UNC80: variants seen among roughly 807,000 people sequenced by gnomAD.
UNC80 encodes unc-80 subunit of NALCN channel complex.
A neutral mutation model predicts 384.6 loss-of-function variants in UNC80; 164 were observed. The observed-to-expected ratio is 0.43, with a 90% CI of 0.38 to 0.49. UNC80 has a LOEUF of 0.49. UNC80 is among the 20% of genes least tolerant of loss of function. The pLI, the probability that UNC80 is intolerant of heterozygous loss-of-function variation, is 0.00. For synonymous variants in UNC80, 1,486 were observed against 1,527.8 expected (o/e 0.97, Z 0.64); for missense variants, 3,330 against 4,143.0 (o/e 0.80, Z 5.39).
intron 28 of UNC80, 128 bp downstream of exon 28, chr2:209,896,541 T>G: frequency 2.5e-6 from 2 of 790,102 alleles, no homozygotes; most frequent in Non-Finnish European, 2.1e-6. Flanking sequence ...AAGCAGGGGC[T>G]TATGTTTTAC....
chr2:209,877,968 A>G lies in UNC80; in HGVS notation c.3855A>G (p.Arg1285=). The change falls in exon 24 of 65, where the codon CGA becomes CGG. Residue 1285 remains arginine, a synonymous_variant. Coordinates refer to ENST00000673920, the MANE Select transcript of UNC80 (RefSeq NM_001371986.1). ...TCCCATTTTAGGCAATTGGCGTCCG[A>G]TTGAATGAGCTGTGCCACGGGGAAA... ...FYQWGDAIGV[R]LNELCHGESE... is the part of the protein sequence containing the mutation. 1 of 1,531,808 alleles carries G rather than the reference A, an allele frequency of 6.5e-7. No individual in the cohort carries two copies. Among genetic ancestry groups the G allele is most frequent in the Non-Finnish European group, 8.8e-7 (1 of 1,139,526 alleles). The allele number at this position is 1,531,808 out of a possible 1,614,324, so 94.9% of individuals were successfully genotyped here. A position where few individuals can be genotyped will look rare whatever the true frequency, so the allele number is the denominator to read the frequency against.
At chr2:209,958,976 T>G (rs1011325720) in intron 49 of UNC80, 143 bp from the exon 50 acceptor site, 1 of 632,150 alleles carries the variant, frequency 1.6e-6, no homozygotes, top group South Asian at 2.2e-5. Context: ...GCCTTTATGT[T>G]TTAGGAGTAA....
chr2:209,907,231 G>A (rs1347788720), intron 29 of UNC80, among the ~76,000 whole-genome samples: 2 of 146,934 alleles, frequency 1.4e-5, no homozygotes, highest in African/African-American at 2.5e-5. Flanking sequence ...TATTCAACAG[G>A]CTTTTAAAGA....
At chr2:209,794,705 T>C in intron 7 of UNC80, 2 of 434,148 alleles carry the variant, frequency 4.6e-6, no homozygotes, top group South Asian at 1.6e-5. Context: ...CTATTCTCGA[T>C]AGTGAGTAAA....
intron 28 of UNC80, among the ~76,000 whole-genome samples, chr2:209,899,744 C>T (rs1051877282): frequency 1.3e-5 from 2 of 152,160 alleles, no homozygotes. Flanking sequence ...TCAGGAACTA[C>T]AATTTGTGTT....
rs1391377796 is a variant in UNC80, at chr2:209,973,245, G to A, written c.8562G>A (p.Glu2854=). The change falls in exon 56 of 65, where the codon GAG becomes GAA. Residue 2854 remains glutamate (E), a synonymous_variant. Coordinates refer to ENST00000673920, the MANE Select transcript of UNC80 (RefSeq NM_001371986.1). ...GKDLRREGLA[E]STSQAAYLAL... ...ACTTGCGCAGGGAAGGGCTGGCTGA[G>A]TCCACCAGCCAAGCAGCATACTTGG... 7 of 1,551,512 alleles carry A rather than the reference G, an allele frequency of 4.5e-6. No homozygotes were observed. The highest frequency in any genetic ancestry group is 1.7e-4 in the Middle Eastern group (1 of 6,014).
chr2:209,820,006 C>T (rs1411133540), intron 12 of UNC80, among the ~76,000 whole-genome samples: 1 of 152,130 alleles, frequency 6.6e-6, no homozygotes, highest in African/African-American at 2.4e-5. Flanking sequence ...AATAGTTACT[C>T]TCTCATTAAC....
intron 7 of UNC80, among the ~76,000 whole-genome samples, chr2:209,808,248 G>T (rs2079034356): frequency 6.6e-6 from 1 of 152,070 alleles, no homozygotes; most frequent in Admixed American, 6.6e-5. Context: ...CTCAGTTACG[G>T]TGATTCCATA....
At chr2:209,859,198 C>T (rs2083171630) in intron 22 of UNC80, among the ~76,000 whole-genome samples, 1 of 151,696 alleles carries the variant, frequency 6.6e-6, no homozygotes, top group Non-Finnish European at 1.5e-5. Context: ...CTCTCCATCC[C>T]CCAACAGGCC....
At position 209,917,464 on chromosome 2, in the gene UNC80, A is replaced by G. The variant is rs547457751; in HGVS notation, c.5030-313A>G. Among the ~76,000 whole-genome samples, 3 of 152,320 alleles carry G rather than the reference A, an allele frequency of 2.0e-5. No homozygotes were observed. In the South Asian group the frequency reaches 6.2e-4, roughly 32 times the overall value. ...AAGAGATGACTCTGGCTATCTCCTAAAAAACATATTTCAGGATGTACTTTT... is the reference window on the plus strand; with the variant it reads ...AAGAGATGACTCTGGCTATCTCCTAGAAAACATATTTCAGGATGTACTTTT... On this transcript the variant is annotated intron_variant, in intron 31 of 64. Transcript: ENST00000673920.
Position 209,839,381 on chromosome 2 carries a change from C to G in UNC80, c.3201C>G (p.Arg1067=), listed in dbSNP as rs1256931552. The G allele has an allele frequency of 2.6e-6, 4 of 1,552,106 alleles. No individual in the cohort carries two copies. ...HSGTTSDRRA[R]SRSRRISLRK... ...GGACCACCTCTGACCGACGTGCCCG[C>G]TCACGATCCCGCAGAATTTCCCTCC... Residue 1067 remains arginine, a synonymous_variant, in exon 19 of 65, where the codon CGC becomes CGG. Coordinates refer to ENST00000673920, the MANE Select transcript of UNC80 (RefSeq NM_001371986.1). The surrounding 1 kb of genome is among the most constrained non-coding windows in gnomAD (Gnocchi z 4.1).
intron 45 of UNC80, 25 bp from the exon 46 acceptor site, chr2:209,945,026 A>C (rs773108575): frequency 2.6e-6 from 4 of 1,549,050 alleles, no homozygotes; most frequent in South Asian, 2.4e-5. Flanking sequence ...GGAGTCAATA[A>C]ACAAAAATTG....
At position 209,879,493 on chromosome 2, in the gene UNC80, C is replaced by T. The variant is rs1254090745; in HGVS notation, c.3976+1404C>T. ...TATAACAGGATATTTAATATGATAGCCCTGAAAGAGCCTAGACTAAGACTA... is the reference window on the plus strand; with the variant it reads ...TATAACAGGATATTTAATATGATAGTCCTGAAAGAGCCTAGACTAAGACTA... On this transcript the variant is annotated intron_variant, in intron 24 of 64. Coordinates refer to ENST00000673920, the MANE Select transcript of UNC80 (RefSeq NM_001371986.1). 7.9e-5 allele frequency among the ~76,000 whole-genome samples: 12 copies of T among 152,244 alleles called. 1 individual carries two copies. The East Asian group carries it at 2.3e-3, about 29-fold the overall frequency.
intron 25 of UNC80, among the ~76,000 whole-genome samples, chr2:209,881,668 C>G (rs1233731268): frequency 2.6e-5 from 4 of 152,008 alleles, no homozygotes. Context: ...CATGCATATA[C>G]ACTCCTGTGT....
chr2:209,904,935 T>A lies in UNC80; in HGVS notation c.4752T>A (p.Ser1584Arg), dbSNP rs1559302394. The change falls in exon 29 of 65, where the codon AGT (serine) becomes AGA (arginine). Residue 1584 changes from serine to arginine, a missense_variant. Physicochemically the swap from Ser to Arg is moderately radical, Grantham distance 110. Coordinates refer to ENST00000673920, the MANE Select transcript of UNC80 (RefSeq NM_001371986.1). ...TGAGGGAAAGCAGCAACATCAGCAGTGTGGCTCTCCGGGGCAAGAAACAGA... is the reference window on the plus strand; with the variant it reads ...TGAGGGAAAGCAGCAACATCAGCAGAGTGGCTCTCCGGGGCAAGAAACAGA... ...DSLRESSNIS[S>R]VALRGKKQKE... 3.2e-6 allele frequency: 5 copies of A among 1,551,642 alleles called. No homozygotes were observed. Among genetic ancestry groups the A allele is most frequent in the Non-Finnish European group, 4.4e-6 (5 of 1,146,978 alleles).
chr2:209,857,788 T>C (rs1246525390), intron 22 of UNC80, among the ~76,000 whole-genome samples: 1 of 152,218 alleles, frequency 6.6e-6, no homozygotes, highest in African/African-American at 2.4e-5. Context: ...CTAATTTCTT[T>C]AACTATTTCC....
chr2:209,992,256 A>G lies in UNC80; in HGVS notation c.9396+9A>G. ...AGAGGGGCCTGAGGCAGGTAAGTAG[A>G]CCCTTAAAGCGCAAGAGAACCATCC... On this transcript the variant is annotated intron_variant, in intron 62 of 64. Transcript: ENST00000673920. 6.4e-7 allele frequency: 1 copy of G among 1,550,828 alleles called. No individual in the cohort carries two copies. Among genetic ancestry groups the G allele is most frequent in the South Asian group, 1.2e-5 (1 of 84,006 alleles).
intron 4 of UNC80, among the ~76,000 whole-genome samples, chr2:209,779,818 A>G (rs1465538506): frequency 6.6e-6 from 1 of 152,252 alleles, no homozygotes; most frequent in Non-Finnish European, 1.5e-5. Context: ...GTTGACAAAT[A>G]TCACCTGGAA....
At chr2:209,784,371 T>G (rs1429786275) in intron 4 of UNC80, among the ~76,000 whole-genome samples, 3 of 152,208 alleles carry the variant, frequency 2.0e-5, no homozygotes, top group Admixed American at 2.0e-4. Context: ...CTTCTCATCT[T>G]AATAATTGCT....
Sources: gnomAD v4.1 joint callset for allele counts (sites outside exome capture counted in the v4.1 genomes callset) on GRCh38, gnomAD v4.1.1 for gene constraint, Gnocchi (gnomAD v3.1) non-coding constraint, MANE v1.5 for transcripts, NCBI Gene and HGNC (gene_info 2026-07-23, HGNC 2026-07-21) for gene names.